Variants in FLNA observed in about 807,000 individuals in gnomAD.
The protein encoded by FLNA is filamin A, also known as filamin-A.
In FLNA, 7 loss-of-function variants were observed where a neutral mutation model predicts 157.6. The ratio of observed to expected loss-of-function variants is 0.04; its 90% CI spans 0.03 to 0.08. The LOEUF (loss-of-function observed/expected upper bound fraction) is 0.08, where lower values mean the gene tolerates loss of function less well. FLNA is among the 10% of genes least tolerant of loss of function. The probability of loss-of-function intolerance (pLI) is 1.00; values close to 1 mark genes in which losing one functional copy is unlikely to be tolerated. For synonymous variants in FLNA, 1,103 were observed against 1,060.8 expected (o/e 1.04, Z -0.77); for missense variants, 1,750 against 2,398.4 (o/e 0.73, Z 5.65).
intron 43 of FLNA, 100 bp downstream of exon 43, chrX:154,351,474 TGGGCCAG>T: frequency 1.8e-6 from 1 of 553,735 alleles, no homozygotes; most frequent in East Asian, 3.6e-5. Flanking sequence ...AACCCAGAGC[TGGGCCAG>T]GGGGGTCACT....
At position 154,360,542 on chromosome X, in the gene FLNA, G is replaced by A. The variant is rs1475845645; in HGVS notation, c.3253C>T (p.Pro1085Ser). 8.3e-7 allele frequency: 1 copy of A among 1,208,824 alleles called. No homozygotes were observed. Among genetic ancestry groups the A allele is most frequent in the African/African-American group, 1.7e-5 (1 of 57,650 alleles). The change falls in exon 22 of 48, where the codon CCC becomes TCC. Residue 1085 changes from proline to serine, a missense_variant. Physicochemically the swap from Pro to Ser is moderately conservative, Grantham distance 74. This residue lies in a region of FLNA where 648 missense variants were observed against 805.8 expected (regional missense o/e 0.80). Transcript: ENST00000369850. ...PGLQGGSAGSPARFTIDTKGA... is the reference protein window; with the variant it reads ...PGLQGGSAGSSARFTIDTKGA... ...TTGGTGTCGATGGTGAAGCGGGCGG[G>A]GGAGCCCGCACTGCCTCCCTGCAGC...
chrX:154,361,082 AAG>A (rs1557177934), intron 21 of FLNA, among the ~76,000 whole-genome samples: 11 of 91,846 alleles, frequency 1.2e-4, no homozygotes, highest in African/African-American at 2.5e-4. Flanking sequence ...AAAAAAAAGA[AAG>A]AAAAAAAAAA....
chrX:154,362,394 A>G, intron 17 of FLNA, 24 bp downstream of exon 17: 1 of 1,210,042 alleles, frequency 8.3e-7, no homozygotes, highest in Non-Finnish European at 1.1e-6. Flanking sequence ...ATGACATCTT[A>G]GCGGCCAGGA....
At chrX:154,368,223 G>A in intron 2 of FLNA, 133 bp from the exon 3 acceptor site, 1 of 928,202 alleles carries the variant, frequency 1.1e-6, no homozygotes, top group Non-Finnish European at 1.5e-6. Flanking sequence ...CTTGGCCAGT[G>A]GTAGGATGTG....
In FLNA at chrX:154,362,883, C is replaced by T. The variant is rs1324515639; in HGVS notation, c.2281-99G>A. ...GCAGGCACACAAAATGGTCCAGCTG[C>T]CTTGGGAAGAGTCTGGCAGTTCCTC... On this transcript the variant is annotated intron_variant, in intron 15 of 47. Coordinates refer to ENST00000369850, the MANE Select transcript of FLNA (RefSeq NM_001110556.2). 3 of 980,387 alleles carry T rather than the reference C, an allele frequency of 3.1e-6. No individual in the cohort carries two copies. The African/African-American group carries it at 5.7e-5, about 19-fold the overall frequency. 80.8% of individuals were successfully genotyped at this position (980,387 alleles called of 1,213,427 possible).
intron 5 of FLNA, 84 bp from the exon 6 acceptor site, chrX:154,366,934 C>A: frequency 1.3e-6 from 1 of 786,070 alleles, no homozygotes. Context: ...CCCTGCTGGC[C>A]CCTAAGTCAG....
rs781949042 is a variant in FLNA, at chrX:154,354,810, C to T, written c.5217+15G>A. The T allele has an allele frequency of 8.3e-7, 1 of 1,211,612 alleles. No individual in the cohort carries two copies. Among genetic ancestry groups the T allele is most frequent in the South Asian group, 1.8e-5 (1 of 57,020 alleles). ...GCCAGACACCCCTGCTGACCTACCC[C>T]CCACCCCTCCTCACCGTCACTTGGA... On this transcript the variant is annotated intron_variant, in intron 31 of 47. Transcript: ENST00000369850.
chrX:154,354,716 A>G lies in FLNA; in HGVS notation c.5218-5T>C, dbSNP rs1557176545. 2 of 1,207,828 alleles carry G rather than the reference A, an allele frequency of 1.7e-6. No homozygotes were observed. The highest frequency in any genetic ancestry group is 2.2e-5 in the Admixed American group (1 of 45,834). ...GGGCTGGTCCCCAGCCAGAGCCTGC[A>G]GGGCAAAGCAGAGAGCTGCTGGAGA... On this transcript the variant is annotated splice_region_variant and splice_polypyrimidine_tract_variant and intron_variant, in intron 31 of 47. Transcript: ENST00000369850.
In FLNA at chrX:154,359,997, C is replaced by G; in HGVS notation, c.3798G>C (p.Glu1266Asp). Residue 1266 changes from glutamate to aspartate, a missense_variant, in exon 22 of 48, where the codon GAG becomes GAC. Physicochemically the swap from Glu to Asp is conservative, Grantham distance 45. This residue lies in a region of FLNA where 970 missense variants were observed against 1,302.6 expected (regional missense o/e 0.74). Coordinates refer to ENST00000369850, the MANE Select transcript of FLNA (RefSeq NM_001110556.2). ...SGVQCYGPGI[E>D]GQGVFREATT... is the part of the protein sequence containing the mutation. ...CACGGCAGGGCAACTCACCCTGGCC[C>G]TCAATACCAGGCCCATAGCACTGGA... The G allele has an allele frequency of 8.3e-7, 1 of 1,209,752 alleles. No homozygotes were observed. The highest frequency in any genetic ancestry group is 1.1e-6 in the Non-Finnish European group (1 of 894,143).
intron 1 of FLNA, among the ~76,000 whole-genome samples, chrX:154,372,998 C>A (rs2067819608): frequency 9.0e-6 from 1 of 111,542 alleles, no homozygotes; most frequent in African/African-American, 3.3e-5. Flanking sequence ...ATGGCATTTT[C>A]CAGTACTGAG....
intron 30 of FLNA, among the ~76,000 whole-genome samples, chrX:154,356,197 G>A (rs1270602816): frequency 1.8e-5 from 2 of 111,932 alleles, no homozygotes; most frequent in Non-Finnish European, 3.8e-5. Flanking sequence ...CCAGCCAACC[G>A]CAGGTCTCAG....
At chrX:154,363,907 A>G in intron 15 of FLNA, 115 bp downstream of exon 15, 4 of 802,356 alleles carry the variant, frequency 5.0e-6, no homozygotes. Context: ...AGTGGTCACC[A>G]GGAGCTGTGG....
chrX:154,366,945 G>T, intron 5 of FLNA, 95 bp from the exon 6 acceptor site: 1 of 705,606 alleles, frequency 1.4e-6, no homozygotes, highest in Non-Finnish European at 2.3e-6. Flanking sequence ...CCTAAGTCAG[G>T]CACATTCCAA....
chrX:154,361,870 C>T, intron 19 of FLNA, 83 bp from the exon 20 acceptor site: 1 of 1,100,541 alleles, frequency 9.1e-7, no homozygotes, highest in Non-Finnish European at 1.3e-6. Flanking sequence ...CATGCCTGTC[C>T]TCTCCCAGGT....
In FLNA at chrX:154,349,390, G is replaced by A; in HGVS notation, c.7728C>T (p.Ser2576=). 1 of 1,211,826 alleles carries A rather than the reference G, an allele frequency of 8.3e-7. No homozygotes were observed. The highest frequency in any genetic ancestry group is 1.1e-6 in the Non-Finnish European group (1 of 895,431). The change falls in exon 47 of 48, where the codon AGC becomes AGT. Residue 2576 remains serine (S), a synonymous_variant. Coordinates refer to ENST00000369850, the MANE Select transcript of FLNA (RefSeq NM_001110556.2). Reference sequence around the variant, plus strand: ...CTTTGCTGCAGTCTACTGTGAAGCTGCTCTTCTGGCCTACGTAGGCCTTGC... The same window carrying A: ...CTTTGCTGCAGTCTACTGTGAAGCTACTCTTCTGGCCTACGTAGGCCTTGC... ...GLSKAYVGQK[S]SFTVDCSKAG...
chrX:154,355,613 G>C (rs111598677), intron 30 of FLNA, among the ~76,000 whole-genome samples: 2 of 113,396 alleles, frequency 1.8e-5, no homozygotes, highest in East Asian at 5.6e-4. Flanking sequence ...AAAGCAGCCC[G>C]GTGCAGACAG....
intron 9 of FLNA, 140 bp from the exon 10 acceptor site, chrX:154,365,626 G>T (rs2067752431): frequency 1.4e-5 from 11 of 774,306 alleles, no homozygotes; most frequent in Non-Finnish European, 1.9e-5. Flanking sequence ...AACTGGAAGG[G>T]ACTGTGACCC....
chrX:154,365,256 C>T lies in FLNA; in HGVS notation c.1571G>A (p.Gly524Glu), dbSNP rs1557178957. The T allele has an allele frequency of 8.3e-7, 1 of 1,212,004 alleles. No individual in the cohort carries two copies. The highest frequency in any genetic ancestry group is 3.0e-5 in the East Asian group (1 of 33,862). ...GTCCTTCTGCTTCACGCGCTCCTCT[C>T]CCTCTGCCAAGACAAGGAGGGCCTC... ...ELKVTVKGPKGEERVKQKDLG... is the reference protein window; with the variant it reads ...ELKVTVKGPKEEERVKQKDLG... Residue 524 changes from glycine (G) to glutamate (E), a missense_variant, in exon 11 of 48, where the codon GGA becomes GAA. Coordinates refer to ENST00000369850, the MANE Select transcript of FLNA (RefSeq NM_001110556.2).
intron 28 of FLNA, 133 bp from the exon 29 acceptor site, chrX:154,357,756 G>T: frequency 1.7e-6 from 1 of 590,440 alleles, no homozygotes; most frequent in Non-Finnish European, 2.8e-6. Context: ...AACTGCTATG[G>T]CCCAAAAGGG....
Sources: allele counts gnomAD v4.1 joint callset (sites outside exome capture counted in the v4.1 genomes callset), GRCh38; gene constraint gnomAD v4.1.1; regional missense constraint gnomAD v4.1.1; transcripts MANE v1.5; gene names NCBI Gene and HGNC (gene_info 2026-07-23, HGNC 2026-07-21).